PDE4B: variants seen among roughly 807,000 people sequenced by gnomAD.
The protein encoded by PDE4B is phosphodiesterase 4B.
Under a neutral mutation model 82.2 loss-of-function variants are expected in PDE4B, and 20 were observed. The observed-to-expected ratio is 0.24, with a 90% confidence interval of 0.17 to 0.35. The LOEUF is 0.35. PDE4B is among the 10% of genes least tolerant of loss of function. The pLI is 1.00. For synonymous variants in PDE4B, 320 were observed against 318.9 expected, an observed-to-expected ratio of 1.00 and a Z score of -0.04; for missense variants, 655 against 907.2, an observed-to-expected ratio of 0.72 and a Z score of 3.57.
intron 3 of PDE4B, among the ~76,000 whole-genome samples, chr1:66,175,956 A>AT (rs907194176): frequency 2.0e-5 from 3 of 152,198 alleles, no homozygotes; most frequent in African/African-American, 7.2e-5. Flanking sequence ...CATGCAAAAG[A>AT]TTTTTTAGGA....
chr1:66,254,053 A>G (rs1653996826), intron 4 of PDE4B, among the ~76,000 whole-genome samples: 1 of 152,166 alleles, frequency 6.6e-6, no homozygotes, highest in Non-Finnish European at 1.5e-5. Flanking sequence ...TATGCATGAG[A>G]TTTACTTATA....
intron 3 of PDE4B, among the ~76,000 whole-genome samples, chr1:65,960,476 G>A (rs1391721480): frequency 6.6e-6 from 1 of 152,030 alleles, no homozygotes; most frequent in Non-Finnish European, 1.5e-5. Flanking sequence ...TATCTTTTGG[G>A]TTTAACATCA....
intron 3 of PDE4B, among the ~76,000 whole-genome samples, chr1:66,029,168 C>T (rs369402064): frequency 2.0e-5 from 3 of 152,292 alleles, no homozygotes; most frequent in East Asian, 3.9e-4. Flanking sequence ...AAAGGCACTT[C>T]TTACATAGTG....
intron 3 of PDE4B, among the ~76,000 whole-genome samples, chr1:65,950,843 G>A (rs1291745682): frequency 6.6e-6 from 1 of 151,974 alleles, no homozygotes; most frequent in Non-Finnish European, 1.5e-5. Context: ...GGGAATGTGG[G>A]CAAACACCAG....
chr1:66,229,258 C>A (rs1651749957), intron 3 of PDE4B, among the ~76,000 whole-genome samples: 1 of 152,048 alleles, frequency 6.6e-6, no homozygotes, highest in Non-Finnish European at 1.5e-5. Context: ...ATCCGCCCGC[C>A]TCGGCCTCCC....
chr1:66,096,509 T>C (rs2503233), intron 3 of PDE4B, among the ~76,000 whole-genome samples: 592 of 3,000 alleles, frequency 0.2, 41 homozygotes, highest in East Asian at 0.45. Context: ...TAAAAAAAAT[T>C]ATATATATAT....
At chr1:65,983,033 C>T (rs1569881662) in intron 3 of PDE4B, among the ~76,000 whole-genome samples, 1 of 152,154 alleles carries the variant, frequency 6.6e-6, no homozygotes, top group African/African-American at 2.4e-5. Flanking sequence ...GCCCAAAGGA[C>T]AGAACACTGA....
chr1:66,065,526 TTTC>T (rs1655799826), intron 3 of PDE4B, among the ~76,000 whole-genome samples: 1 of 151,842 alleles, frequency 6.6e-6, no homozygotes, highest in African/African-American at 2.4e-5. Flanking sequence ...ATACGTTGCT[TTTC>T]TTTTTTCAAT....
intron 1 of PDE4B, among the ~76,000 whole-genome samples, chr1:65,881,411 G>C (rs569475989): frequency 4.7e-4 from 71 of 152,198 alleles, no homozygotes; most frequent in Admixed American, 4.5e-3. Flanking sequence ...ACTGTGGTTG[G>C]CACCAAAACC....
intron 8 of PDE4B, among the ~76,000 whole-genome samples, chr1:66,344,910 A>C (rs1250117283): frequency 6.6e-6 from 1 of 152,202 alleles, no homozygotes. Context: ...TGTGCTCTCA[A>C]AGCTTCCTGT....
rs146394431 is a variant in PDE4B, at chr1:66,140,094, G to A, written c.282-107366G>A. 7.3e-3 allele frequency among the ~76,000 whole-genome samples: 1,111 copies of A among 152,262 alleles called. 10 individuals carry two copies. Among genetic ancestry groups the A allele is most frequent in the Non-Finnish European group, 0.011 (739 of 68,014 alleles). ...ACAAACACAGGATGGAGCAGTAAAC[G>A]CCTTGAAAAGAGGGACCTTTTTTTT... On this transcript the variant is annotated intron_variant, in intron 3 of 16. Coordinates refer to ENST00000341517, the MANE Select transcript of PDE4B (RefSeq NM_002600.4).
chr1:66,081,832 CTGTGTGTGTG>C (rs1242686089), intron 3 of PDE4B, among the ~76,000 whole-genome samples: 2 of 125,120 alleles, frequency 1.6e-5, no homozygotes, highest in Non-Finnish European at 3.4e-5. Flanking sequence ...CTCTCTCTCT[CTGTGTGTGTG>C]TGTGTGTGTG....
At chr1:66,175,896 G>C (rs775732396) in intron 3 of PDE4B, among the ~76,000 whole-genome samples, 2 of 151,950 alleles carry the variant, frequency 1.3e-5, no homozygotes, top group Non-Finnish European at 2.9e-5. Flanking sequence ...CTCAAATTTG[G>C]GACAGAAAAA....
chr1:65,924,355 T>A (rs1647385341), intron 3 of PDE4B, among the ~76,000 whole-genome samples: 2 of 151,776 alleles, frequency 1.3e-5, no homozygotes, highest in South Asian at 4.2e-4. Flanking sequence ...ATTACAGGCG[T>A]GAGCCACCGC....
chr1:66,355,417 G>C (rs1662157971), intron 8 of PDE4B, 110 bp from the exon 9 acceptor site: 1 of 560,992 alleles, frequency 1.8e-6, no homozygotes, highest in African/African-American at 1.9e-5. Context: ...TTTATCTAAT[G>C]GTATCTGCTC....
chr1:65,910,364 A>G (rs924371417), intron 1 of PDE4B, among the ~76,000 whole-genome samples: 2 of 152,186 alleles, frequency 1.3e-5, no homozygotes, highest in African/African-American at 4.8e-5. Context: ...TAGATCTCCA[A>G]GTAGGTTCTA....
chr1:65,849,292 G>A (rs1646302902), intron 1 of PDE4B, among the ~76,000 whole-genome samples: 1 of 152,130 alleles, frequency 6.6e-6, no homozygotes, highest in Non-Finnish European at 1.5e-5. Flanking sequence ...AAGTGGAGGT[G>A]CCTTACTTGT....
At chr1:66,231,935 T>A (rs974174970) in intron 3 of PDE4B, among the ~76,000 whole-genome samples, 1 of 152,142 alleles carries the variant, frequency 6.6e-6, no homozygotes, top group Non-Finnish European at 1.5e-5. Flanking sequence ...GATACTGTCA[T>A]AGTGAGGCCA....
chr1:66,184,162 T>C (rs1212760639), intron 3 of PDE4B, among the ~76,000 whole-genome samples: 1 of 152,046 alleles, frequency 6.6e-6, no homozygotes, highest in Admixed American at 6.6e-5. Flanking sequence ...TAATGAGACA[T>C]TTAAATGCTG....
Sources: allele counts gnomAD v4.1 joint callset (sites outside exome capture counted in the v4.1 genomes callset), GRCh38; gene constraint gnomAD v4.1.1; transcripts MANE v1.5; gene names NCBI Gene and HGNC (gene_info 2026-07-23, HGNC 2026-07-21).